WWP2: variants seen among roughly 807,000 people sequenced by gnomAD.
The protein encoded by WWP2 is NEDD4-like E3 ubiquitin-protein ligase WWP2.
A neutral mutation model predicts 121.0 loss-of-function variants in WWP2; 57 were observed. The observed-to-expected ratio is 0.47, with a 90% CI of 0.38 to 0.59. The LOEUF (loss-of-function observed/expected upper bound fraction) is 0.59, where lower values mean the gene tolerates loss of function less well. WWP2 is among the 20% of genes least tolerant of loss of function. The pLI is 0.00. For missense variants in WWP2, 962 were observed against 1,158.9 expected (o/e 0.83, Z 2.47); for synonymous variants, 449 against 441.3 (o/e 1.02, Z -0.22).
chr16:69,788,402 G>A (rs1033605123), intron 2 of WWP2, among the ~76,000 whole-genome samples: 2 of 152,064 alleles, frequency 1.3e-5, no homozygotes, highest in African/African-American at 2.4e-5. Context: ...AGTAGAAGCC[G>A]AAGCTCCCAT....
chr16:69,853,564 C>T (rs896714128), intron 6 of WWP2, among the ~76,000 whole-genome samples: 10 of 152,158 alleles, frequency 6.6e-5, no homozygotes, highest in African/African-American at 1.9e-4. Flanking sequence ...CCCTGCAGTG[C>T]GTCAGGGCGG....
intron 7 of WWP2, among the ~76,000 whole-genome samples, chr16:69,879,573 T>C (rs553422345): frequency 5.9e-5 from 9 of 152,352 alleles, no homozygotes; most frequent in African/African-American, 1.7e-4. Flanking sequence ...TAAGGCTGAA[T>C]AATATTCCGT....
At chr16:69,802,795 G>C (rs1297317058) in intron 4 of WWP2, among the ~76,000 whole-genome samples, 1 of 151,684 alleles carries the variant, frequency 6.6e-6, no homozygotes, top group African/African-American at 2.4e-5. Context: ...GTAGAGACGG[G>C]AGTTTCACCA....
chr16:69,926,965 A>T (rs906223217), intron 11 of WWP2, among the ~76,000 whole-genome samples: 1 of 152,142 alleles, frequency 6.6e-6, no homozygotes, highest in African/African-American at 2.4e-5. Flanking sequence ...GTGGGTTTTC[A>T]TGCCAGTTCT....
rs145439688 is a variant in WWP2 at position 69,896,931 on chromosome 16, A to G, written c.914+8682A>G. ...ATATACAGATACACGTATAACACAC[A>G]TCTACCAAAAGTTGATAATCTTCCA... On this transcript the variant is annotated intron_variant, in intron 8 of 23. Coordinates refer to ENST00000359154, the MANE Select transcript of WWP2 (RefSeq NM_001270454.2). Among the ~76,000 whole-genome samples, 425 of 152,272 alleles carry G rather than the reference A, an allele frequency of 2.8e-3. 2 individuals are homozygous for G. The highest frequency in any genetic ancestry group is 9.6e-3 in the African/African-American group (401 of 41,558).
chr16:69,936,990 G>A, intron 19 of WWP2, 128 bp from the exon 20 acceptor site: 3 of 1,311,888 alleles, frequency 2.3e-6, no homozygotes, highest in Non-Finnish European at 3.1e-6. Context: ...CAGCAGGCTG[G>A]GTCTGGGTGT....
intron 1 of WWP2, among the ~76,000 whole-genome samples, chr16:69,763,040 C>G (rs938139471): frequency 6.6e-6 from 1 of 151,952 alleles, no homozygotes; most frequent in African/African-American, 2.4e-5. Context: ...CCTGAACGGG[C>G]CATCATCGAG....
At chr16:69,835,387 C>T (rs764639858) in intron 4 of WWP2, among the ~76,000 whole-genome samples, 1 of 152,164 alleles carries the variant, frequency 6.6e-6, no homozygotes, top group Non-Finnish European at 1.5e-5. Flanking sequence ...TAGGGTTCCT[C>T]TGGCTCAATT....
At chr16:69,895,976 T>G (rs1339434333) in intron 8 of WWP2, among the ~76,000 whole-genome samples, 1 of 152,172 alleles carries the variant, frequency 6.6e-6, no homozygotes, top group East Asian at 1.9e-4. Flanking sequence ...CATGGAATAG[T>G]GTGTGTTTCT....
At chr16:69,918,781 G>T (rs569235591) in intron 10 of WWP2, among the ~76,000 whole-genome samples, 36 of 151,928 alleles carry the variant, frequency 2.4e-4, no homozygotes, top group Non-Finnish European at 4.3e-4. Flanking sequence ...CCATTTACTG[G>T]CTCAAAACCT....
Position 69,799,424 on chromosome 16 carries a change from C to G in WWP2, c.340+129C>G. The G allele has an allele frequency of 7.4e-7, 1 of 1,352,262 alleles. No homozygotes were observed. Among genetic ancestry groups the G allele is most frequent in the South Asian group, 1.5e-5 (1 of 66,072 alleles). The allele number at this position is 1,352,262 out of a possible 1,614,324, so 83.8% of individuals were successfully genotyped here. On this transcript the variant is annotated intron_variant, in intron 4 of 23. Transcript: ENST00000359154. This position sits in a 1 kb window ranked among gnomAD's most constrained non-coding sequence, Gnocchi z 4.5. Reference sequence around the variant, plus strand: ...TACCTCTGTTCTCCTTGGATGCTGTCTTTGGAGTTTTGGGAAGGCTGAGGG... The same window carrying G: ...TACCTCTGTTCTCCTTGGATGCTGTGTTTGGAGTTTTGGGAAGGCTGAGGG...
At chr16:69,856,117 G>A (rs1386639560) in intron 6 of WWP2, among the ~76,000 whole-genome samples, 1 of 152,108 alleles carries the variant, frequency 6.6e-6, no homozygotes, top group African/African-American at 2.4e-5. Flanking sequence ...TAAAAAAGAT[G>A]TATATTTATT....
chr16:69,939,419 C>T lies in WWP2; in HGVS notation c.2513+6C>T. ...CTGCCCAGAAGCCACACCTGGTGAG[C>T]CTGCTGGTTTTAGTGGGAGGTCGGG... is the stretch of plus-strand genomic sequence containing the variant. On this transcript the variant is annotated splice_donor_region_variant and intron_variant, in intron 23 of 23. Transcript: ENST00000359154. 1 of 1,614,072 alleles carries T rather than the reference C, an allele frequency of 6.2e-7. No individual in the cohort carries two copies.
chr16:69,794,028 G>A (rs926330228), intron 2 of WWP2, among the ~76,000 whole-genome samples: 1 of 145,474 alleles, frequency 6.9e-6, no homozygotes, highest in African/African-American at 2.5e-5. Flanking sequence ...AGCGATTCTC[G>A]TGTCTTAGCC....
intron 4 of WWP2, among the ~76,000 whole-genome samples, chr16:69,809,123 G>A (rs965172928): frequency 2.0e-5 from 3 of 152,228 alleles, no homozygotes; most frequent in African/African-American, 4.8e-5. Context: ...GGCACCAGCC[G>A]TAGCACGTTG....
intron 2 of WWP2, among the ~76,000 whole-genome samples, chr16:69,798,442 T>C (rs1316689594): frequency 3.3e-5 from 5 of 151,980 alleles, no homozygotes; most frequent in African/African-American, 9.7e-5. Context: ...TTGGTGATGA[T>C]GATCACTGGC....
chr16:69,909,685 T>C (rs1414025626), intron 9 of WWP2: 1 of 985,226 alleles, frequency 1.0e-6, no homozygotes, highest in African/African-American at 1.7e-5. Context: ...TTACCAAAGT[T>C]AAACATGGAC....
At chr16:69,834,996 GGCACGGATGTGAACA>G (rs1265214749) in intron 4 of WWP2, among the ~76,000 whole-genome samples, 5 of 152,194 alleles carry the variant, frequency 3.3e-5, no homozygotes, top group Non-Finnish European at 7.3e-5. Context: ...AGGTGCTCAA[GGCACGGATGTGAACA>G]GCACGGATGC....
intron 16 of WWP2, among the ~76,000 whole-genome samples, chr16:69,932,601 C>T (rs1020038356): frequency 3.3e-5 from 5 of 152,178 alleles, no homozygotes; most frequent in African/African-American, 4.8e-5. Flanking sequence ...TAGAGTTGAC[C>T]CTGGGATCCC....
Sources: gnomAD v4.1 joint callset for allele counts (sites outside exome capture counted in the v4.1 genomes callset) on GRCh38, gnomAD v4.1.1 for gene constraint, Gnocchi (gnomAD v3.1) non-coding constraint, MANE v1.5 for transcripts, NCBI Gene and HGNC (gene_info 2026-07-23, HGNC 2026-07-21) for gene names.